The following RAB3C variants were observed in gnomAD, a reference collection of about 807,000 sequenced individuals.
RAB3C encodes the protein RAB3C, member RAS oncogene family.
Under a neutral mutation model 26.4 loss-of-function variants are expected in RAB3C, and 17 were observed. The observed-to-expected ratio is 0.64, with a 90% confidence interval of 0.44 to 0.97. RAB3C has a LOEUF of 0.97. Among genes scored for constraint, RAB3C ranks in the 50% least tolerant of loss-of-function variants. The pLI is 0.00. For synonymous variants in RAB3C, 91 were observed against 95.9 expected (o/e 0.95, Z 0.30); for missense variants, 242 against 281.9 (o/e 0.86, Z 1.01).
intron 4 of RAB3C, among the ~76,000 whole-genome samples, chr5:58,836,874 T>G (rs1743759805): frequency 6.6e-6 from 1 of 152,216 alleles, no homozygotes; most frequent in Non-Finnish European, 1.5e-5. Flanking sequence ...TATACTGATT[T>G]TCTTTTATTT....
chr5:58,707,234 T>C (rs1748962395), intron 2 of RAB3C, among the ~76,000 whole-genome samples: 1 of 152,230 alleles, frequency 6.6e-6, no homozygotes, highest in Non-Finnish European at 1.5e-5. Flanking sequence ...TCACACCTTT[T>C]TTAAAAAGGA....
chr5:58,595,556 G>C (rs762990278), intron 1 of RAB3C, among the ~76,000 whole-genome samples: 1 of 152,096 alleles, frequency 6.6e-6, no homozygotes, highest in Non-Finnish European at 1.5e-5. Context: ...GCTTCCATAT[G>C]AACGTTTGTT....
chr5:58,778,036 C>T (rs1742187894), intron 3 of RAB3C, among the ~76,000 whole-genome samples: 1 of 151,968 alleles, frequency 6.6e-6, no homozygotes. Flanking sequence ...TGTGGGTGCT[C>T]ATTTGATGTT....
intron 4 of RAB3C, among the ~76,000 whole-genome samples, chr5:58,829,152 C>A (rs1253988788): frequency 6.6e-6 from 1 of 152,140 alleles, no homozygotes; most frequent in East Asian, 1.9e-4. Context: ...ATCTGCCCAC[C>A]TCTGCCTCCC....
Position 58,727,261 on chromosome 5 carries a change from G to A in RAB3C, c.371+1141G>A, listed in dbSNP as rs1740911066. ...TTTCCAATTTTAATTGTTCATCTAGGAAGACTTCTTATTTACACACACACA... is the reference window on the plus strand; with the variant it reads ...TTTCCAATTTTAATTGTTCATCTAGAAAGACTTCTTATTTACACACACACA... On this transcript the variant is annotated intron_variant, in intron 3 of 4. Coordinates refer to ENST00000282878, the MANE Select transcript of RAB3C (RefSeq NM_138453.4). Among the ~76,000 whole-genome samples the A allele has an allele frequency of 2.0e-5, 3 of 151,158 alleles. No homozygotes were observed. The South Asian group carries it at 6.3e-4, about 32-fold the overall frequency.
At chr5:58,734,788 G>A (rs572808068) in intron 3 of RAB3C, among the ~76,000 whole-genome samples, 1 of 152,064 alleles carries the variant, frequency 6.6e-6, no homozygotes, top group Non-Finnish European at 1.5e-5. Context: ...TTATATCTTG[G>A]GTCTGATTTC....
chr5:58,807,809 G>C (rs561350625), intron 3 of RAB3C, among the ~76,000 whole-genome samples: 1 of 149,824 alleles, frequency 6.7e-6, no homozygotes, highest in Admixed American at 6.6e-5. Context: ...AGCACAGTGG[G>C]TACTCTCCAG....
intron 3 of RAB3C, among the ~76,000 whole-genome samples, chr5:58,813,463 A>C (rs1309881503): frequency 2.6e-5 from 4 of 151,832 alleles, no homozygotes; most frequent in African/African-American, 9.7e-5. Context: ...TGCACGCTGC[A>C]GGTTGGGTAT....
At chr5:58,804,800 C>A (rs972131926) in intron 3 of RAB3C, among the ~76,000 whole-genome samples, 1 of 151,922 alleles carries the variant, frequency 6.6e-6, no homozygotes, top group Non-Finnish European at 1.5e-5. Flanking sequence ...ATATAGGAAC[C>A]ATGACTCCTC....
rs1443586007 is a variant in RAB3C at position 58,851,494 on chromosome 5, C to T, written c.*143C>T. On this transcript the variant is annotated 3_prime_UTR_variant, in exon 5 of 5. Transcript: ENST00000282878. ...GTCAATGGCTCGTACGCATTCAATT[C>T]TTGGGAGCTTTCCTGTTTAATATGT... 5.2e-6 allele frequency: 3 copies of T among 574,974 alleles called. No individual in the cohort carries two copies. In the South Asian group the frequency reaches 1.4e-4, roughly 26 times the overall value. 35.6% of individuals were successfully genotyped at this position (574,974 alleles called of 1,614,324 possible). A position where few individuals can be genotyped will look rare whatever the true frequency, so the allele number is the denominator to read the frequency against.
intron 2 of RAB3C, among the ~76,000 whole-genome samples, chr5:58,709,699 G>T (rs1020799198): frequency 2.6e-5 from 4 of 152,238 alleles, no homozygotes; most frequent in Admixed American, 2.0e-4. Flanking sequence ...CTTCTTTGTA[G>T]CTGGCCTCTG....
intron 3 of RAB3C, among the ~76,000 whole-genome samples, chr5:58,748,147 G>T (rs1741438159): frequency 6.6e-6 from 1 of 151,874 alleles, no homozygotes; most frequent in South Asian, 2.1e-4. Flanking sequence ...TTCTTAAAAG[G>T]CACATAAGCC....
chr5:58,638,672 T>C (rs1004218575), intron 2 of RAB3C, among the ~76,000 whole-genome samples: 1 of 152,136 alleles, frequency 6.6e-6, no homozygotes, highest in Non-Finnish European at 1.5e-5. Context: ...AGAAACAAAG[T>C]TCAGAATTGA....
chr5:58,706,366 C>G (rs756808091), intron 2 of RAB3C, among the ~76,000 whole-genome samples: 2 of 152,038 alleles, frequency 1.3e-5, no homozygotes, highest in African/African-American at 4.8e-5. Flanking sequence ...AGTGGCTAGT[C>G]TCCCTCATGG....
At chr5:58,726,188 A>C in intron 3 of RAB3C, 68 bp downstream of exon 3, 1 of 788,596 alleles carries the variant, frequency 1.3e-6, no homozygotes, top group Non-Finnish European at 2.1e-6. Flanking sequence ...CTTTCTTCCC[A>C]AAGCAGTGAC....
intron 2 of RAB3C, among the ~76,000 whole-genome samples, chr5:58,698,015 T>C (rs1046504862): frequency 1.3e-5 from 2 of 152,236 alleles, no homozygotes; most frequent in Admixed American, 6.5e-5. Context: ...CTTCATAGCA[T>C]CGATGGTCTT....
intron 1 of RAB3C, among the ~76,000 whole-genome samples, chr5:58,583,553 C>T (rs760780238): frequency 6.6e-6 from 1 of 152,160 alleles, no homozygotes; most frequent in South Asian, 2.1e-4. Flanking sequence ...GATCTCCTCT[C>T]TTGGCATCCG....
Position 58,583,207 on chromosome 5 carries a change from CAAT to C in RAB3C, c.-1_2del, listed in dbSNP as rs766532728. On this transcript the variant is annotated start_lost and 5_prime_UTR_variant, in exon 1 of 5. Transcript: ENST00000282878. ...GCCAGAGAGAAAGGACATTTGCCAA[CAAT>C]GAGACACGAAGCGCCCATGCAGGTG... 3.5e-5 allele frequency: 57 copies of C among 1,614,074 alleles called. No individual in the cohort carries two copies. The highest frequency in any genetic ancestry group is 8.3e-5 in the Admixed American group (5 of 60,008).
chr5:58,595,512 A>G (rs1202211724), intron 1 of RAB3C, among the ~76,000 whole-genome samples: 5 of 152,106 alleles, frequency 3.3e-5, no homozygotes, highest in Non-Finnish European at 5.9e-5. Context: ...CTCATAGTAT[A>G]TCCCTGAGGC....
Sources: allele counts gnomAD v4.1 joint callset (sites outside exome capture counted in the v4.1 genomes callset), GRCh38; gene constraint gnomAD v4.1.1; transcripts MANE v1.5; gene names NCBI Gene and HGNC (gene_info 2026-07-23, HGNC 2026-07-21).